SNX29: variants seen among roughly 807,000 people sequenced by gnomAD.
The protein encoded by SNX29 is sorting nexin 29, also known as sorting nexin-29.
In SNX29, 78 loss-of-function variants were observed where a neutral mutation model predicts 102.1. That is an observed-to-expected ratio of 0.76 (90% CI 0.64 to 0.92). The LOEUF is 0.92. Ranked by LOEUF, SNX29 falls within the 40% of genes least tolerant of loss-of-function variation. The pLI, the probability that SNX29 is intolerant of heterozygous loss-of-function variation, is 0.00. For missense variants in SNX29, 1,280 were observed against 1,061.7 expected (o/e 1.21, Z -2.86); for synonymous variants, 580 against 414.5 (o/e 1.40, Z -4.85).
At position 12,565,789 on chromosome 16, in the gene SNX29, G is replaced by A. The variant is rs531834641; in HGVS notation, c.2319-2717G>A. The stretch of plus-strand genomic sequence containing the variant: ...CTTTTTTCATTTTCACATCTAGAGG[G>A]CCCTTTACACAGCAACCCTCAGCTC... On this transcript the variant is annotated intron_variant, in intron 20 of 20. Coordinates refer to ENST00000566228, the MANE Select transcript of SNX29 (RefSeq NM_032167.5). 3.9e-5 allele frequency among the ~76,000 whole-genome samples: 6 copies of A among 152,194 alleles called. No individual in the cohort carries two copies. The East Asian group carries it at 5.8e-4, about 15-fold the overall frequency.
At chr16:12,485,155 C>T (rs1342365879) in intron 19 of SNX29, among the ~76,000 whole-genome samples, 2 of 152,212 alleles carry the variant, frequency 1.3e-5, no homozygotes, top group Non-Finnish European at 2.9e-5. Context: ...CGACTTTTGG[C>T]TGAATATTTT....
chr16:12,035,993 T>C (rs1020855851), intron 4 of SNX29, among the ~76,000 whole-genome samples: 1 of 152,222 alleles, frequency 6.6e-6, no homozygotes, highest in Non-Finnish European at 1.5e-5. Flanking sequence ...TGGCCTGACA[T>C]AGCCTTTGTA....
intron 18 of SNX29, among the ~76,000 whole-genome samples, chr16:12,464,742 A>T (rs1245916664): frequency 6.6e-6 from 1 of 152,238 alleles, no homozygotes; most frequent in African/African-American, 2.4e-5. Flanking sequence ...GGCCTGAGCC[A>T]TCACACCCTG....
chr16:12,293,567 G>A (rs181898179), intron 15 of SNX29, among the ~76,000 whole-genome samples: 1 of 152,310 alleles, frequency 6.6e-6, no homozygotes, highest in East Asian at 1.9e-4. Context: ...GACTTGGAAT[G>A]ACTTTGAGGT....
chr16:12,539,270 C>G lies in SNX29; in HGVS notation c.2318+14429C>G, dbSNP rs117825374. On this transcript the variant is annotated intron_variant, in intron 20 of 20. Coordinates refer to ENST00000566228, the MANE Select transcript of SNX29 (RefSeq NM_032167.5). ...AAGCTGTTTTCCCCTCATTTCCTTTCTAGCTGCACCCTCCCCCACCTCTAA... is the reference window on the plus strand; with the variant it reads ...AAGCTGTTTTCCCCTCATTTCCTTTGTAGCTGCACCCTCCCCCACCTCTAA... 3.1e-3 allele frequency among the ~76,000 whole-genome samples: 465 copies of G among 152,292 alleles called. 5 individuals are homozygous for G. Among genetic ancestry groups the G allele is most frequent in the Non-Finnish European group, 4.2e-3 (288 of 68,014 alleles).
At chr16:12,261,702 G>A (rs1240814183) in intron 14 of SNX29, among the ~76,000 whole-genome samples, 4 of 116,120 alleles carry the variant, frequency 3.4e-5, no homozygotes, top group African/African-American at 1.0e-4. Flanking sequence ...TGCTGAGCTC[G>A]GGTCTGTGCG....
intron 19 of SNX29, among the ~76,000 whole-genome samples, chr16:12,486,729 G>A (rs1567613577): frequency 2.0e-5 from 3 of 152,166 alleles, no homozygotes; most frequent in Non-Finnish European, 2.9e-5. Context: ...CCTCAGTGCC[G>A]TGGAGAGCAG....
chr16:12,207,128 G>A (rs2142012321), intron 14 of SNX29, among the ~76,000 whole-genome samples: 1 of 152,174 alleles, frequency 6.6e-6, no homozygotes, highest in African/African-American at 2.4e-5. Context: ...CAGCATTTCG[G>A]GAGGCCAAGA....
chr16:12,424,827 G>A (rs546875296), intron 18 of SNX29, among the ~76,000 whole-genome samples: 75 of 152,288 alleles, frequency 4.9e-4, no homozygotes, highest in Middle Eastern at 3.4e-3. Context: ...TTAGGTTATA[G>A]TAATGAGAGA....
intron 16 of SNX29, among the ~76,000 whole-genome samples, chr16:12,369,758 T>G (rs1255089755): frequency 2.6e-5 from 4 of 152,238 alleles, no homozygotes; most frequent in Admixed American, 2.6e-4. Flanking sequence ...CATGATTATG[T>G]TAATAGTTGT....
intron 14 of SNX29, among the ~76,000 whole-genome samples, chr16:12,219,650 G>T (rs910877879): frequency 2.6e-5 from 4 of 152,154 alleles, no homozygotes; most frequent in African/African-American, 9.7e-5. Context: ...GTATAAACAT[G>T]TTTTCTCTTA....
chr16:12,222,458 A>C (rs1484193188), intron 14 of SNX29, among the ~76,000 whole-genome samples: 1 of 152,250 alleles, frequency 6.6e-6, no homozygotes, highest in Non-Finnish European at 1.5e-5. Flanking sequence ...TTGTATGTTT[A>C]CATCGAATGG....
chr16:12,170,621 C>G (rs760986667), intron 13 of SNX29, among the ~76,000 whole-genome samples: 6 of 151,892 alleles, frequency 4.0e-5, no homozygotes, highest in Non-Finnish European at 8.8e-5. Context: ...TGGGACTTCT[C>G]ACGGATTGGT....
chr16:12,104,374 G>C (rs1179556362), intron 11 of SNX29, among the ~76,000 whole-genome samples: 2 of 152,084 alleles, frequency 1.3e-5, no homozygotes, highest in African/African-American at 2.4e-5. Context: ...TGGCCAACTT[G>C]GTGAAACCCC....
chr16:12,487,606 A>G (rs2088312487), intron 19 of SNX29, among the ~76,000 whole-genome samples: 1 of 152,126 alleles, frequency 6.6e-6, no homozygotes, highest in Non-Finnish European at 1.5e-5. Flanking sequence ...GCCCAAATCT[A>G]GGAGCTGGTG....
chr16:12,463,455 G>T (rs572866221), intron 18 of SNX29, among the ~76,000 whole-genome samples: 2 of 152,134 alleles, frequency 1.3e-5, no homozygotes, highest in African/African-American at 4.8e-5. Context: ...CATGGATGGC[G>T]GCAGGCAAAG....
At chr16:12,186,966 C>G (rs1324610050) in intron 13 of SNX29, among the ~76,000 whole-genome samples, 4 of 152,210 alleles carry the variant, frequency 2.6e-5, no homozygotes, top group Admixed American at 6.5e-5. Flanking sequence ...CCGGGGCTGA[C>G]TGTGGCTCAC....
Position 12,403,216 on chromosome 16 carries a change from G to A in SNX29, c.1956-232G>A, listed in dbSNP as rs910616095. Among the ~76,000 whole-genome samples, 1,359 of 145,740 alleles carry A rather than the reference G, an allele frequency of 9.3e-3. 33 individuals are homozygous for A. The highest frequency in any genetic ancestry group is 0.032 in the African/African-American group (1,250 of 39,130). Reference sequence around the variant, plus strand: ...ATTGTGTGTGTATGTGTGTGTGTGTGTGTGTGTGTGTGTGTGTGTGTGTGT... The same window carrying A: ...ATTGTGTGTGTATGTGTGTGTGTGTATGTGTGTGTGTGTGTGTGTGTGTGT... On this transcript the variant is annotated intron_variant, in intron 17 of 20. Coordinates refer to ENST00000566228, the MANE Select transcript of SNX29 (RefSeq NM_032167.5).
intron 13 of SNX29, among the ~76,000 whole-genome samples, chr16:12,147,445 C>A (rs1388013528): frequency 1.3e-4 from 20 of 152,186 alleles, no homozygotes; most frequent in East Asian, 1.9e-4. Flanking sequence ...ATTAATGCTT[C>A]ATTTCTTGTC....
Sources: allele counts gnomAD v4.1 joint callset (sites outside exome capture counted in the v4.1 genomes callset), GRCh38; gene constraint gnomAD v4.1.1; transcripts MANE v1.5; gene names NCBI Gene and HGNC (gene_info 2026-07-23, HGNC 2026-07-21).